The following MYRIP variants were observed in gnomAD, a reference collection of about 807,000 sequenced individuals.
MYRIP encodes the protein myosin VIIA and Rab interacting protein.
MYRIP carries 49 observed loss-of-function variants against 98.0 expected under a neutral mutation model. That is an observed-to-expected ratio of 0.50 (90% CI 0.40 to 0.63). The LOEUF (loss-of-function observed/expected upper bound fraction) is 0.63. Among genes scored for constraint, MYRIP ranks in the 30% least tolerant of loss-of-function variants. The pLI is 0.00. For missense variants in MYRIP, 1,004 were observed against 1,058.2 expected (o/e 0.95, Z 0.71); for synonymous variants, 404 against 409.5 (o/e 0.99, Z 0.16).
At chr3:40,019,440 C>G (rs1283464109) in intron 2 of MYRIP, among the ~76,000 whole-genome samples, 3 of 152,164 alleles carry the variant, frequency 2.0e-5, no homozygotes, top group African/African-American at 7.2e-5. Flanking sequence ...CTAGCACAAG[C>G]AGCGATGCTT....
chr3:40,250,550 T>A, intron 15 of MYRIP, 51 bp downstream of exon 15: 1 of 1,592,394 alleles, frequency 6.3e-7, no homozygotes, highest in Non-Finnish European at 8.6e-7. Context: ...CCTGAATCAT[T>A]TACTTTGGGT....
chr3:39,932,444 T>C (rs572750331), intron 2 of MYRIP, among the ~76,000 whole-genome samples: 1 of 152,012 alleles, frequency 6.6e-6, no homozygotes, highest in African/African-American at 2.4e-5. Context: ...CACTGCAAGC[T>C]CCTCCTCCCA....
intron 8 of MYRIP, among the ~76,000 whole-genome samples, chr3:40,176,071 T>C (rs1162386653): frequency 1.3e-5 from 2 of 152,204 alleles, no homozygotes; most frequent in Non-Finnish European, 2.9e-5. Context: ...ACCAGTTTCA[T>C]AGATGAAGGT....
chr3:40,121,102 G>A lies in MYRIP; in HGVS notation c.333-29946G>A, dbSNP rs192540761. 2.6e-5 allele frequency among the ~76,000 whole-genome samples: 4 copies of A among 152,208 alleles called. No homozygotes were observed. The East Asian group carries it at 7.8e-4, about 29-fold the overall frequency. On this transcript the variant is annotated intron_variant, in intron 3 of 16. Transcript: ENST00000302541. Reference sequence around the variant, plus strand: ...GCCAGTGGCCTCAAGTCTAGAGCAGGCCCCTTGAGAGCCAGATAGAGACAG... The same window carrying A: ...GCCAGTGGCCTCAAGTCTAGAGCAGACCCCTTGAGAGCCAGATAGAGACAG...
intron 2 of MYRIP, among the ~76,000 whole-genome samples, chr3:39,989,084 A>G (rs1194126423): frequency 6.6e-6 from 1 of 151,916 alleles, no homozygotes; most frequent in Non-Finnish European, 1.5e-5. Context: ...CATTTGGAGG[A>G]GAAGAGGCAC....
intron 3 of MYRIP, among the ~76,000 whole-genome samples, chr3:40,140,907 T>C (rs1411004496): frequency 6.6e-6 from 1 of 152,208 alleles, no homozygotes; most frequent in Non-Finnish European, 1.5e-5. Context: ...AAATTAGACT[T>C]ACAATCTAAT....
At chr3:39,880,724 C>T (rs1433116214) in intron 1 of MYRIP, among the ~76,000 whole-genome samples, 1 of 152,156 alleles carries the variant, frequency 6.6e-6, no homozygotes, top group East Asian at 1.9e-4. Flanking sequence ...AATATTTAAG[C>T]AGTTCTTTAC....
chr3:39,994,160 T>C (rs957222314), intron 2 of MYRIP, among the ~76,000 whole-genome samples: 8 of 152,186 alleles, frequency 5.3e-5, no homozygotes, highest in Admixed American at 1.3e-4. Flanking sequence ...GGTACTGGGT[T>C]CATCTCACTG....
chr3:40,201,454 A>C (rs899975191), intron 10 of MYRIP, among the ~76,000 whole-genome samples: 28 of 152,104 alleles, frequency 1.8e-4, no homozygotes, highest in African/African-American at 6.8e-4. Flanking sequence ...AAATCATGGA[A>C]TCTATATACC....
At chr3:40,205,343 A>T (rs533873889) in intron 10 of MYRIP, among the ~76,000 whole-genome samples, 1 of 152,284 alleles carries the variant, frequency 6.6e-6, no homozygotes, top group South Asian at 2.1e-4. Context: ...CTGATCAATG[A>T]TCTTTTGGTT....
intron 16 of MYRIP, 67 bp downstream of exon 16, chr3:40,252,066 T>C (rs1953393486): frequency 8.1e-7 from 1 of 1,239,028 alleles, no homozygotes; most frequent in Non-Finnish European, 1.2e-6. Flanking sequence ...TCTGCAGCCT[T>C]TCCTTCTGTA....
chr3:40,151,018 T>C lies in MYRIP; in HGVS notation c.333-30T>C, dbSNP rs1166981907. 24 of 1,518,880 alleles carry C rather than the reference T, an allele frequency of 1.6e-5. No homozygotes were observed. In the East Asian group the frequency reaches 5.7e-4, roughly 36 times the overall value. 94.1% of individuals were successfully genotyped at this position (1,518,880 alleles called of 1,614,324 possible). On this transcript the variant is annotated intron_variant, in intron 3 of 16. Coordinates refer to ENST00000302541, the MANE Select transcript of MYRIP (RefSeq NM_015460.4). ...GCAATTCACCATTTAATAATTCTAA[T>C]TTTGTGTTGTCTAATTCTGTTTTCC...
intron 2 of MYRIP, among the ~76,000 whole-genome samples, chr3:40,039,688 A>G (rs1223344258): frequency 6.6e-6 from 1 of 151,162 alleles, no homozygotes; most frequent in Admixed American, 6.6e-5. Flanking sequence ...ATTAGATGAG[A>G]ATATAGTGTT....
At chr3:40,012,989 C>T (rs1946794777) in intron 2 of MYRIP, among the ~76,000 whole-genome samples, 1 of 152,212 alleles carries the variant, frequency 6.6e-6, no homozygotes, top group South Asian at 2.1e-4. Flanking sequence ...ACTGCCCTGC[C>T]AGCTCCCCTC....
At chr3:39,993,982 G>A (rs967790645) in intron 2 of MYRIP, among the ~76,000 whole-genome samples, 8 of 152,188 alleles carry the variant, frequency 5.3e-5, no homozygotes, top group Non-Finnish European at 1.2e-4. Flanking sequence ...ATAATGTAAA[G>A]TATGAACACG....
rs778199786 is a variant in MYRIP, at chr3:40,012,149, A to G, written c.111-31901A>G. Among the ~76,000 whole-genome samples the G allele has an allele frequency of 7.7e-4, 117 of 152,176 alleles. 3 individuals carry two copies. The highest frequency in any genetic ancestry group is 1.9e-4 in the East Asian group (1 of 5,188). ...CATGGAAATCTGGATATAGACAGAT[A>G]AGTAGTTCTTTTTACGGTTTATCTC... is the stretch of plus-strand genomic sequence containing the variant. On this transcript the variant is annotated intron_variant, in intron 2 of 16. Coordinates refer to ENST00000302541, the MANE Select transcript of MYRIP (RefSeq NM_015460.4).
chr3:39,968,481 T>C (rs9860958), intron 2 of MYRIP, among the ~76,000 whole-genome samples: 73,896 of 151,948 alleles, frequency 0.49, 19,162 homozygotes, highest in African/African-American at 0.69. Flanking sequence ...GTCTTTAACC[T>C]ATCTTGAGTT....
intron 1 of MYRIP, among the ~76,000 whole-genome samples, chr3:39,884,592 G>A (rs1449854918): frequency 6.6e-6 from 1 of 151,930 alleles, no homozygotes; most frequent in African/African-American, 2.4e-5. Context: ...CAAACTGCAA[G>A]GTGTATGTAT....
At chr3:40,003,567 T>C (rs1186210258) in intron 2 of MYRIP, among the ~76,000 whole-genome samples, 3 of 152,096 alleles carry the variant, frequency 2.0e-5, no homozygotes, top group African/African-American at 7.2e-5. Context: ...GGATGAAGTG[T>C]TGTAGGGTGA....
Sources: gnomAD v4.1 joint callset for allele counts (sites outside exome capture counted in the v4.1 genomes callset) on GRCh38, gnomAD v4.1.1 for gene constraint, MANE v1.5 for transcripts, NCBI Gene and HGNC (gene_info 2026-07-23, HGNC 2026-07-21) for gene names.